Variants in ZNF423 observed in about 807,000 individuals in gnomAD.
ZNF423 encodes Ebf-associated zinc finger protein.
In ZNF423, 12 loss-of-function variants were observed where a neutral mutation model predicts 95.8. The ratio of observed to expected loss-of-function variants is 0.13; its 90% CI spans 0.08 to 0.20. ZNF423 has a LOEUF of 0.20. Ranked by LOEUF, ZNF423 falls within the 10% of genes least tolerant of loss-of-function variation. The pLI is 1.00. For missense variants in ZNF423, 1,316 were observed against 1,737.1 expected (o/e 0.76, Z 4.31); for synonymous variants, 749 against 711.9 (o/e 1.05, Z -0.83).
At chr16:49,674,883 A>G (rs1019742010) in intron 3 of ZNF423, among the ~76,000 whole-genome samples, 2 of 152,038 alleles carry the variant, frequency 1.3e-5, no homozygotes, top group East Asian at 1.9e-4. Context: ...TTCCCCTCCA[A>G]TCATGACCAC....
At chr16:49,731,313 A>G (rs758643183) in intron 2 of ZNF423, 3 of 985,358 alleles carry the variant, frequency 3.0e-6, no homozygotes, top group Non-Finnish European at 3.6e-6. Context: ...TAAAGCCTCC[A>G]TCAGCTGTTC....
chr16:49,498,315 C>T (rs1967245463), intron 7 of ZNF423, among the ~76,000 whole-genome samples: 1 of 152,230 alleles, frequency 6.6e-6, no homozygotes. Flanking sequence ...TGCACCCATG[C>T]AGTCTGTCTG....
At chr16:49,654,086 G>T (rs1973512818) in intron 3 of ZNF423, among the ~76,000 whole-genome samples, 1 of 152,202 alleles carries the variant, frequency 6.6e-6, no homozygotes, top group Non-Finnish European at 1.5e-5. Context: ...CATAGAGAGG[G>T]CGAGGGCCCT....
intron 3 of ZNF423, among the ~76,000 whole-genome samples, chr16:49,691,735 A>G (rs2031789898): frequency 6.9e-6 from 1 of 145,728 alleles, no homozygotes; most frequent in South Asian, 2.2e-4. Flanking sequence ...CCATCTCAAG[A>G]AAAAAAAAAA....
intron 3 of ZNF423, among the ~76,000 whole-genome samples, chr16:49,648,022 T>C (rs1973243868): frequency 6.6e-6 from 1 of 152,180 alleles, no homozygotes; most frequent in South Asian, 2.1e-4. Context: ...AACATAGATA[T>C]TAATGACTCT....
At chr16:49,731,071 T>C (rs1483868958) in intron 2 of ZNF423, 100 bp from the exon 3 acceptor site, 2 of 1,360,300 alleles carry the variant, frequency 1.5e-6, no homozygotes, top group Non-Finnish European at 1.0e-6. Flanking sequence ...TTAATTACTC[T>C]ACCTCCCGGG....
At chr16:49,670,312 G>A (rs1024461453) in intron 3 of ZNF423, among the ~76,000 whole-genome samples, 1 of 152,234 alleles carries the variant, frequency 6.6e-6, no homozygotes, top group African/African-American at 2.4e-5. Context: ...CTCTGCGAGA[G>A]TTCAGTGCAG....
intron 2 of ZNF423, among the ~76,000 whole-genome samples, chr16:49,781,780 T>C (rs2034217609): frequency 1.3e-5 from 2 of 152,160 alleles, no homozygotes. Context: ...ACCCTGACCA[T>C]TCTCCTCACC....
At chr16:49,510,127 C>G (rs1158930494) in intron 7 of ZNF423, among the ~76,000 whole-genome samples, 1 of 152,248 alleles carries the variant, frequency 6.6e-6, no homozygotes, top group East Asian at 1.9e-4. Flanking sequence ...GTGATATCCA[C>G]ATCAACTCTG....
At chr16:49,843,161 T>C (rs749357966) in intron 1 of ZNF423, among the ~76,000 whole-genome samples, 7 of 152,186 alleles carry the variant, frequency 4.6e-5, no homozygotes, top group Admixed American at 2.6e-4. Flanking sequence ...ATTTCACTTC[T>C]AGGAATCCAG....
chr16:49,740,549 G>A (rs986357800), intron 2 of ZNF423, among the ~76,000 whole-genome samples: 4 of 152,230 alleles, frequency 2.6e-5, no homozygotes, highest in African/African-American at 9.6e-5. Context: ...CCCCTTGGCA[G>A]CAGAGCTCTA....
chr16:49,817,200 G>A (rs1377154792), intron 1 of ZNF423, among the ~76,000 whole-genome samples: 1 of 152,204 alleles, frequency 6.6e-6, no homozygotes, highest in Non-Finnish European at 1.5e-5. Context: ...TGACGTCCTA[G>A]AGGGAGGGCC....
chr16:49,531,489 AT>A (rs1424471567), intron 5 of ZNF423, among the ~76,000 whole-genome samples: 2 of 151,886 alleles, frequency 1.3e-5, no homozygotes, highest in African/African-American at 4.8e-5. Context: ...ATAACCACAA[AT>A]AGCGCAGAAC....
intron 3 of ZNF423, among the ~76,000 whole-genome samples, chr16:49,644,282 G>T (rs555755762): frequency 6.6e-6 from 1 of 152,182 alleles, no homozygotes; most frequent in Non-Finnish European, 1.5e-5. Context: ...CATTGAGTTT[G>T]GGGGGAAGAT....
chr16:49,554,872 C>T (rs1484382178), intron 5 of ZNF423, among the ~76,000 whole-genome samples: 1 of 152,056 alleles, frequency 6.6e-6, no homozygotes, highest in Non-Finnish European at 1.5e-5. Context: ...AAGCACCTGG[C>T]ACAGTGCCTG....
At chr16:49,569,381 G>A (rs1044943024) in intron 5 of ZNF423, among the ~76,000 whole-genome samples, 1 of 152,224 alleles carries the variant, frequency 6.6e-6, no homozygotes, top group African/African-American at 2.4e-5. Context: ...AGTCTGCACA[G>A]AGCAGATGCC....
intron 1 of ZNF423, among the ~76,000 whole-genome samples, chr16:49,804,275 T>A (rs543203489): frequency 8.5e-5 from 13 of 152,224 alleles, no homozygotes; most frequent in African/African-American, 3.1e-4. Flanking sequence ...AAAATTCTGA[T>A]TTTTTTACAC....
chr16:49,650,729 C>G lies in ZNF423; in HGVS notation c.302-11855G>C, dbSNP rs7194905. Among the ~76,000 whole-genome samples the G allele has an allele frequency of 1.5e-3, 230 of 152,296 alleles. 1 individual carries two copies. Among genetic ancestry groups the G allele is most frequent in the African/African-American group, 5.4e-3 (223 of 41,562 alleles). On this transcript the variant is annotated intron_variant, in intron 3 of 7. Transcript: ENST00000563137. ...GCTTACACAGTAAGTTGTGTGGTCA[C>G]CCCAGTAATGAGGAAAAAGAACAGA...
At chr16:49,549,629 G>C (rs1969563549) in intron 5 of ZNF423, among the ~76,000 whole-genome samples, 1 of 152,186 alleles carries the variant, frequency 6.6e-6, no homozygotes, top group Non-Finnish European at 1.5e-5. Flanking sequence ...CTAACATGGA[G>C]CATGGATTGT....
Sources: gnomAD v4.1 joint callset for allele counts (sites outside exome capture counted in the v4.1 genomes callset) on GRCh38, gnomAD v4.1.1 for gene constraint, MANE v1.5 for transcripts, NCBI Gene and HGNC (gene_info 2026-07-23, HGNC 2026-07-21) for gene names.